The following OXSR1 variants were observed in gnomAD, a reference collection of about 807,000 sequenced individuals.
OXSR1 encodes the protein serine/threonine-protein kinase OSR1.
Under a neutral mutation model 79.8 loss-of-function variants are expected in OXSR1, and 24 were observed. The ratio of observed to expected loss-of-function variants is 0.30; its 90% CI spans 0.22 to 0.42. The LOEUF (loss-of-function observed/expected upper bound fraction) is 0.42. Ranked by LOEUF, OXSR1 falls within the 10% of genes least tolerant of loss-of-function variation. The pLI is 1.00. For missense variants in OXSR1, 430 were observed against 618.4 expected (o/e 0.70, Z 3.23); for synonymous variants, 226 against 209.2 (o/e 1.08, Z -0.69).
intron 3 of OXSR1, among the ~76,000 whole-genome samples, chr3:38,195,345 A>C (rs1011074217): frequency 6.6e-6 from 1 of 152,210 alleles, no homozygotes; most frequent in African/African-American, 2.4e-5. Flanking sequence ...GATAAAATGC[A>C]TGGGGACTTC....
intron 2 of OXSR1, among the ~76,000 whole-genome samples, chr3:38,189,903 A>C (rs897572903): frequency 2.0e-5 from 3 of 152,204 alleles, no homozygotes; most frequent in Non-Finnish European, 2.9e-5. Context: ...ATAAGCACAC[A>C]ATGTACTATC....
At chr3:38,170,985 C>T (rs182365459) in intron 1 of OXSR1, among the ~76,000 whole-genome samples, 3 of 152,216 alleles carry the variant, frequency 2.0e-5, no homozygotes, top group Admixed American at 2.0e-4. Flanking sequence ...ATATGTTGTC[C>T]AGGCTGGTCT....
At chr3:38,179,762 A>G (rs1229808653) in intron 1 of OXSR1, among the ~76,000 whole-genome samples, 1 of 151,856 alleles carries the variant, frequency 6.6e-6, no homozygotes, top group Non-Finnish European at 1.5e-5. Flanking sequence ...TGAGTTTCTC[A>G]TCCTGTGAAT....
At chr3:38,173,193 A>G (rs934416811) in intron 1 of OXSR1, among the ~76,000 whole-genome samples, 1 of 152,246 alleles carries the variant, frequency 6.6e-6, no homozygotes, top group African/African-American at 2.4e-5. Flanking sequence ...TACTTCAAAC[A>G]AAATAGGTCA....
At chr3:38,238,735 T>G (rs1432247924) in intron 11 of OXSR1, among the ~76,000 whole-genome samples, 1 of 152,082 alleles carries the variant, frequency 6.6e-6, no homozygotes, top group Non-Finnish European at 1.5e-5. Flanking sequence ...GCTTTTAAGA[T>G]TTCCTCTTTA....
Position 38,230,560 on chromosome 3 carries a change from T to C in OXSR1, c.951+130T>C, listed in dbSNP as rs567339753. ...TTTCTGTCGATCCTTTCTAAAGCAT[T>C]CTTTGATACATTCATTCAGCAAATA... is the stretch of plus-strand genomic sequence containing the variant. On this transcript the variant is annotated intron_variant, in intron 10 of 17. Coordinates refer to ENST00000311806, the MANE Select transcript of OXSR1 (RefSeq NM_005109.3). 9.6e-5 allele frequency: 63 copies of C among 653,824 alleles called. No individual in the cohort carries two copies. In the African/African-American group the frequency reaches 1.2e-3, roughly 12 times the overall value. The allele number at this position is 653,824 out of a possible 1,614,324, so 40.5% of individuals were successfully genotyped here.
intron 11 of OXSR1, among the ~76,000 whole-genome samples, chr3:38,240,887 G>T (rs761466789): frequency 6.6e-6 from 1 of 152,136 alleles, no homozygotes; most frequent in Non-Finnish European, 1.5e-5. Context: ...GAAAAGGAAT[G>T]GTTCTTCATT....
At chr3:38,194,884 CGTT>C (rs1239121807) in intron 3 of OXSR1, among the ~76,000 whole-genome samples, 1 of 152,126 alleles carries the variant, frequency 6.6e-6, no homozygotes, top group Non-Finnish European at 1.5e-5. Flanking sequence ...GATTTAGGAA[CGTT>C]GTACTGTTGT....
chr3:38,236,498 T>C (rs1052616187), intron 10 of OXSR1, among the ~76,000 whole-genome samples: 4 of 152,092 alleles, frequency 2.6e-5, no homozygotes, highest in African/African-American at 9.7e-5. Flanking sequence ...ATTTTAAATC[T>C]TGGGTTTATT....
At chr3:38,167,576 C>T (rs1701492057) in intron 1 of OXSR1, among the ~76,000 whole-genome samples, 1 of 152,176 alleles carries the variant, frequency 6.6e-6, no homozygotes, top group Admixed American at 6.5e-5. Flanking sequence ...TTTTACTTGC[C>T]TCTTGTTTTA....
chr3:38,202,098 A>G (rs895842354), intron 4 of OXSR1, among the ~76,000 whole-genome samples: 6 of 152,230 alleles, frequency 3.9e-5, no homozygotes, highest in African/African-American at 1.2e-4. Context: ...GTAGTTGAAT[A>G]GTTATCTCGA....
chr3:38,228,049 C>T (rs1702727882), intron 8 of OXSR1, among the ~76,000 whole-genome samples: 1 of 152,198 alleles, frequency 6.6e-6, no homozygotes, highest in Non-Finnish European at 1.5e-5. Flanking sequence ...TACTGCATGC[C>T]TAGGCTATTT....
At chr3:38,168,769 T>A (rs1701517236) in intron 1 of OXSR1, among the ~76,000 whole-genome samples, 3 of 152,226 alleles carry the variant, frequency 2.0e-5, no homozygotes, top group Non-Finnish European at 4.4e-5. Flanking sequence ...AATCATATAA[T>A]ATGTGGTCCT....
At chr3:38,221,932 A>G (rs1224190445) in intron 6 of OXSR1, among the ~76,000 whole-genome samples, 1 of 152,212 alleles carries the variant, frequency 6.6e-6, no homozygotes, top group African/African-American at 2.4e-5. Flanking sequence ...TATTAGTACA[A>G]ATTATACCAA....
chr3:38,182,868 G>GAGC (rs2125808662), intron 1 of OXSR1, 135 bp from the exon 2 acceptor site: 1 of 481,772 alleles, frequency 2.1e-6, no homozygotes, highest in South Asian at 3.3e-5. Context: ...ACACTCTTTA[G>GAGC]AGCATTTTTC....
At chr3:38,251,576 GA>G (rs1703257781) in intron 16 of OXSR1, 105 bp downstream of exon 16, 1 of 850,202 alleles carries the variant, frequency 1.2e-6, no homozygotes, top group African/African-American at 1.7e-5. Flanking sequence ...GATGGTTCTT[GA>G]AATGGTTCTT....
chr3:38,165,444 A>G, upstream of OXSR1: 1 of 188,134 alleles, frequency 5.3e-6, no homozygotes, highest in Non-Finnish European at 1.1e-5. Context: ...CACACTGGAG[A>G]TGGCGGCCGG....
intron 4 of OXSR1, among the ~76,000 whole-genome samples, chr3:38,204,735 A>G (rs1245464186): frequency 6.6e-6 from 1 of 151,536 alleles, no homozygotes; most frequent in Non-Finnish European, 1.5e-5. Context: ...TTCAAGCAGA[A>G]GAAAGGAATC....
At chr3:38,166,989 C>T (rs1205242161) in intron 1 of OXSR1, among the ~76,000 whole-genome samples, 1 of 152,024 alleles carries the variant, frequency 6.6e-6, no homozygotes, top group African/African-American at 2.4e-5. Context: ...GAAGATTTTT[C>T]CTTACAGAGG....
Sources: gnomAD v4.1 joint callset for allele counts (sites outside exome capture counted in the v4.1 genomes callset) on GRCh38, gnomAD v4.1.1 for gene constraint, MANE v1.5 for transcripts, NCBI Gene and HGNC (gene_info 2026-07-23, HGNC 2026-07-21) for gene names.